The following CLVS1 variants were observed in gnomAD, a reference collection of about 807,000 sequenced individuals.
The protein encoded by CLVS1 is clavesin-1.
CLVS1 carries 10 observed loss-of-function variants against 33.1 expected under a neutral mutation model. The observed-to-expected ratio is 0.30, with a 90% confidence interval of 0.19 to 0.51. CLVS1 has a LOEUF of 0.51. CLVS1 is among the 20% of genes least tolerant of loss of function. The probability of loss-of-function intolerance (pLI) is 0.97; values close to 1 mark genes in which losing one functional copy is unlikely to be tolerated. For synonymous variants in CLVS1, 163 were observed against 166.1 expected, an observed-to-expected ratio of 0.98 and a Z score of 0.14; for missense variants, 343 against 433.4, an observed-to-expected ratio of 0.79 and a Z score of 1.85.
At chr8:61,183,418 C>T (rs1329181224) in intron 2 of CLVS1, among the ~76,000 whole-genome samples, 30 of 152,322 alleles carry the variant, frequency 2.0e-4, no homozygotes, top group Admixed American at 1.6e-3. Flanking sequence ...TAATGATGAT[C>T]AGATGACATT....
intron 2 of CLVS1, among the ~76,000 whole-genome samples, chr8:61,151,429 A>T (rs1369637606): frequency 6.6e-6 from 1 of 152,204 alleles, no homozygotes; most frequent in East Asian, 1.9e-4. Flanking sequence ...ACTAGGGCTT[A>T]GTGGGGTTGA....
At position 61,362,130 on chromosome 8, in the gene CLVS1, G is replaced by A. The variant is rs539970946; in HGVS notation, c.456-14475G>A. On this transcript the variant is annotated intron_variant, in intron 2 of 5. Transcript: ENST00000325897. ...GCTGAGAACACGGGCCAAGCATGAGGCCTACTCAGGAAAAGGGCTCAGAGT... is the reference window on the plus strand; with the variant it reads ...GCTGAGAACACGGGCCAAGCATGAGACCTACTCAGGAAAAGGGCTCAGAGT... Among the ~76,000 whole-genome samples the A allele has an allele frequency of 1.5e-3, 230 of 152,304 alleles. 1 individual carries two copies. The highest frequency in any genetic ancestry group is 4.8e-3 in the African/African-American group (201 of 41,582).
At chr8:61,203,330 C>T (rs1166804980) in intron 2 of CLVS1, 3 of 637,124 alleles carry the variant, frequency 4.7e-6, no homozygotes, top group African/African-American at 3.6e-5. Context: ...AGAACTTTCC[C>T]TACCGTGTTT....
chr8:61,043,568 AT>A, the CLVS1 span, among the ~76,000 whole-genome samples: 1 of 152,256 alleles, frequency 6.6e-6, no homozygotes, highest in South Asian at 2.1e-4. Flanking sequence ...GGATGCAGTT[AT>A]TGATCTGGCA....
chr8:61,152,559 TTG>T (rs1806561771), intron 2 of CLVS1, among the ~76,000 whole-genome samples: 1 of 152,138 alleles, frequency 6.6e-6, no homozygotes. Context: ...AGGGTCAATA[TTG>T]TGTCTTCACA....
At chr8:61,493,980 A>G (rs1378215850) in intron 5 of CLVS1, among the ~76,000 whole-genome samples, 3 of 152,188 alleles carry the variant, frequency 2.0e-5, no homozygotes, top group Non-Finnish European at 4.4e-5. Context: ...ACATAGCTCA[A>G]GAAGGCAATG....
intron 3 of CLVS1, among the ~76,000 whole-genome samples, chr8:61,423,566 G>A (rs183139853): frequency 1.1e-3 from 169 of 152,268 alleles, no homozygotes; most frequent in African/African-American, 3.7e-3. Flanking sequence ...GCTTAGAAAC[G>A]TTTATTCAGT....
intron 2 of CLVS1, among the ~76,000 whole-genome samples, chr8:61,195,523 A>G (rs533263363): frequency 6.6e-6 from 1 of 151,848 alleles, no homozygotes; most frequent in South Asian, 2.1e-4. Context: ...TGATGTGCTT[A>G]TTCAAAAGGA....
chr8:61,358,063 T>C (rs1008663194), intron 2 of CLVS1, among the ~76,000 whole-genome samples: 3 of 152,208 alleles, frequency 2.0e-5, no homozygotes, highest in Admixed American at 6.5e-5. Flanking sequence ...ATCCTGTTTC[T>C]TAAAGTCACC....
chr8:61,309,794 GA>G (rs1346980265), intron 2 of CLVS1, among the ~76,000 whole-genome samples: 1 of 152,258 alleles, frequency 6.6e-6, no homozygotes, highest in Non-Finnish European at 1.5e-5. Context: ...GGCAGTGGGA[GA>G]TGAGCATTAA....
intron 2 of CLVS1, among the ~76,000 whole-genome samples, chr8:61,316,820 C>G (rs1811025955): frequency 1.3e-5 from 2 of 152,170 alleles, no homozygotes; most frequent in Non-Finnish European, 2.9e-5. Context: ...GGCTCCATCA[C>G]TTTCCCATTG....
At chr8:60,975,019 G>A in the CLVS1 span, among the ~76,000 whole-genome samples, 5 of 152,094 alleles carry the variant, frequency 3.3e-5, no homozygotes, top group East Asian at 1.9e-4. Context: ...AAGCTCCCTC[G>A]ATGGTTTTGG....
the CLVS1 span, among the ~76,000 whole-genome samples, chr8:60,979,152 G>A: frequency 1.3e-5 from 2 of 152,192 alleles, no homozygotes; most frequent in Non-Finnish European, 2.9e-5. Flanking sequence ...CTAGTTGCCT[G>A]AGTTATTTGT....
chr8:61,110,481 C>T (rs962497161), intron 1 of CLVS1, among the ~76,000 whole-genome samples: 1 of 151,940 alleles, frequency 6.6e-6, no homozygotes, highest in Non-Finnish European at 1.5e-5. Flanking sequence ...ATGATTAAGA[C>T]ATTGTGAAGA....
chr8:60,981,792 AT>A, the CLVS1 span, among the ~76,000 whole-genome samples: 1 of 152,212 alleles, frequency 6.6e-6, no homozygotes, highest in African/African-American at 2.4e-5. Flanking sequence ...GAGGCCGAGG[AT>A]GGCAAGACTT....
chr8:61,458,563 G>C (rs754609500), intron 5 of CLVS1, 21 bp downstream of exon 5: 49 of 1,235,124 alleles, frequency 4.0e-5, no homozygotes, highest in Non-Finnish European at 5.2e-5. Context: ...GGTTATCAGA[G>C]CCCCCCCCCC....
chr8:60,981,366 G>T, the CLVS1 span, among the ~76,000 whole-genome samples: 2 of 152,168 alleles, frequency 1.3e-5, no homozygotes, highest in African/African-American at 4.8e-5. Context: ...AATCAAGATG[G>T]TGCATTTCAC....
At chr8:61,170,287 C>A (rs1389073740) in intron 2 of CLVS1, among the ~76,000 whole-genome samples, 3 of 152,112 alleles carry the variant, frequency 2.0e-5, no homozygotes, top group Non-Finnish European at 2.9e-5. Flanking sequence ...ACAGCATCAG[C>A]TTGTGTCTAT....
intron 3 of CLVS1, among the ~76,000 whole-genome samples, chr8:61,397,513 G>A (rs1273699263): frequency 6.6e-6 from 1 of 152,060 alleles, no homozygotes; most frequent in Non-Finnish European, 1.5e-5. Context: ...AAGGCATAAA[G>A]GTTTCAATTT....
Sources: allele counts gnomAD v4.1 joint callset (sites outside exome capture counted in the v4.1 genomes callset), GRCh38; gene constraint gnomAD v4.1.1; transcripts MANE v1.5; gene names NCBI Gene and HGNC (gene_info 2026-07-23, HGNC 2026-07-21).